Variants in CCDC6 observed in about 807,000 individuals in gnomAD.
CCDC6 encodes the protein coiled-coil domain containing 6, also known as coiled-coil domain-containing protein 6.
Under a neutral mutation model 56.6 loss-of-function variants are expected in CCDC6, and 20 were observed. That is an observed-to-expected ratio of 0.35 (90% CI 0.25 to 0.51). CCDC6 has a LOEUF of 0.51. CCDC6 is among the 20% of genes least tolerant of loss of function. The pLI is 0.95. For missense variants in CCDC6, 367 were observed against 601.1 expected, an observed-to-expected ratio of 0.61 and a Z score of 4.07; for synonymous variants, 241 against 234.4, an observed-to-expected ratio of 1.03 and a Z score of -0.26.
Position 59,906,360 on chromosome 10 carries a change from G to T in CCDC6, c.65C>A (p.Ala22Asp), listed in dbSNP as rs1169861908. Residue 22 changes from alanine (A) to aspartate (D), a missense_variant, in exon 1 of 9, where the codon GCC becomes GAC. By Grantham distance (126) the Ala-to-Asp change is moderately radical (BLOSUM62 -2). Transcript: ENST00000263102. ...GGTCGACGAGCAGGACGACTGCATGGCGGCCGAGCTGCTGCTGTTGCCCCC... is the reference window on the plus strand; with the variant it reads ...GGTCGACGAGCAGGACGACTGCATGTCGGCCGAGCTGCTGCTGTTGCCCCC... ...GAGGNSSSSAAMQSSCSSTSG... is the reference protein window; with the variant it reads ...GAGGNSSSSADMQSSCSSTSG... The T allele has an allele frequency of 6.3e-7, 1 of 1,595,398 alleles. No homozygotes were observed. The highest frequency in any genetic ancestry group is 8.5e-7 in the Non-Finnish European group (1 of 1,178,170).
intron 7 of CCDC6, among the ~76,000 whole-genome samples, chr10:59,804,084 T>C (rs1053706552): frequency 2.0e-5 from 3 of 152,160 alleles, no homozygotes; most frequent in African/African-American, 2.4e-5. Flanking sequence ...ATGATGCATC[T>C]TGGAAATCTA....
intron 3 of CCDC6, among the ~76,000 whole-genome samples, chr10:59,820,939 G>T (rs1306915968): frequency 6.7e-6 from 1 of 150,348 alleles, no homozygotes; most frequent in Non-Finnish European, 1.5e-5. Flanking sequence ...ACTTCCCAAA[G>T]CCTTTCAGCT....
At position 59,789,689 on chromosome 10, in the gene CCDC6, C is replaced by A. The variant is rs997861630; in HGVS notation, c.*3228G>T. The A allele has an allele frequency of 4.0e-5, 9 of 222,858 alleles. No individual in the cohort carries two copies. The highest frequency in any genetic ancestry group is 2.0e-4 in the African/African-American group (9 of 44,746). 13.8% of individuals were successfully genotyped at this position (222,858 alleles called of 1,614,324 possible). ...GTACTAGACAGAAGATCAAGTTACA[C>A]AGAAATATTTCTTCTGTACTGATAA... On this transcript the variant is annotated 3_prime_UTR_variant, in exon 9 of 9. Coordinates refer to ENST00000263102, the MANE Select transcript of CCDC6 (RefSeq NM_005436.5).
chr10:59,829,117 A>G (rs1257014966), intron 3 of CCDC6, among the ~76,000 whole-genome samples: 4 of 152,216 alleles, frequency 2.6e-5, no homozygotes, highest in African/African-American at 9.6e-5. Context: ...TCAGTGAGAT[A>G]AACTTACAGT....
chr10:59,857,774 G>A (rs2071092117), intron 1 of CCDC6, among the ~76,000 whole-genome samples: 1 of 152,044 alleles, frequency 6.6e-6, no homozygotes, highest in South Asian at 2.1e-4. Flanking sequence ...AAGAGTCCAG[G>A]CAGGCTCTAT....
In CCDC6 at chr10:59,862,162, G is replaced by T. The variant is rs75992806; in HGVS notation, c.304-9460C>A. 5.5e-3 allele frequency among the ~76,000 whole-genome samples: 841 copies of T among 152,116 alleles called. 22 individuals are homozygous for T. Among genetic ancestry groups the T allele is most frequent in the East Asian group, 0.033 (168 of 5,152 alleles). On this transcript the variant is annotated intron_variant, in intron 1 of 8. Transcript: ENST00000263102. ...ATACATTGTAACAAACAAGTGACTG[G>T]TATCCTACATAAAGAACAACTTGAT...
chr10:59,906,287 C>G lies in CCDC6; in HGVS notation c.138G>C (p.Ser46=). The part of the protein sequence containing the change: ...GGGGGGGGGK[S]GGIVISPFRL... Reference sequence around the variant, plus strand: ...GGAACGGCGAGATGACAATGCCCCCCGACTTCCCACCGCCGCCGCCTCCCC... The same window carrying G: ...GGAACGGCGAGATGACAATGCCCCCGGACTTCCCACCGCCGCCGCCTCCCC... Residue 46 remains serine, a synonymous_variant, in exon 1 of 9, where the codon TCG becomes TCC. Coordinates refer to ENST00000263102, the MANE Select transcript of CCDC6 (RefSeq NM_005436.5). The G allele has an allele frequency of 6.2e-7, 1 of 1,608,190 alleles. No homozygotes were observed. The highest frequency in any genetic ancestry group is 8.5e-7 in the Non-Finnish European group (1 of 1,179,612).
intron 1 of CCDC6, among the ~76,000 whole-genome samples, chr10:59,864,070 C>G (rs1663921016): frequency 6.6e-6 from 1 of 152,098 alleles, no homozygotes; most frequent in Non-Finnish European, 1.5e-5. Flanking sequence ...ACAGTTAGTT[C>G]CCATGGCCAG....
intron 3 of CCDC6, among the ~76,000 whole-genome samples, chr10:59,828,277 C>T (rs1242464931): frequency 1.3e-5 from 2 of 152,090 alleles, no homozygotes; most frequent in African/African-American, 4.8e-5. Context: ...TTTAGAAAGC[C>T]CCAATATCAT....
chr10:59,847,266 G>T (rs2071000743), intron 2 of CCDC6, among the ~76,000 whole-genome samples: 1 of 138,388 alleles, frequency 7.2e-6, no homozygotes, highest in Non-Finnish European at 1.5e-5. Flanking sequence ...TGTTAGCCAG[G>T]ATGGTCTTGA....
chr10:59,892,466 G>C (rs188635405), intron 1 of CCDC6, among the ~76,000 whole-genome samples: 84 of 152,310 alleles, frequency 5.5e-4, no homozygotes, highest in Admixed American at 3.7e-3. Flanking sequence ...TTAGAAGCCA[G>C]GTTGCGAGGC....
chr10:59,841,618 C>T (rs529275511), intron 2 of CCDC6, among the ~76,000 whole-genome samples: 5 of 152,098 alleles, frequency 3.3e-5, no homozygotes, highest in Middle Eastern at 3.4e-3. Context: ...TAGAAATCCA[C>T]GACAACAATC....
At chr10:59,879,066 C>G (rs1222615977) in intron 1 of CCDC6, among the ~76,000 whole-genome samples, 6 of 152,070 alleles carry the variant, frequency 3.9e-5, no homozygotes, top group Non-Finnish European at 8.8e-5. Flanking sequence ...AAATTTGGGT[C>G]ACTATTATGA....
intron 2 of CCDC6, among the ~76,000 whole-genome samples, chr10:59,843,259 T>A (rs1396380216): frequency 3.9e-5 from 6 of 152,232 alleles, no homozygotes; most frequent in Non-Finnish European, 5.9e-5. Flanking sequence ...GAATTCATTG[T>A]TTATGAAGGC....
chr10:59,817,992 G>C (rs757821212), intron 3 of CCDC6, among the ~76,000 whole-genome samples: 2 of 152,152 alleles, frequency 1.3e-5, no homozygotes, highest in Non-Finnish European at 2.9e-5. Context: ...ACATGACTCA[G>C]GCAGTCATGC....
intron 1 of CCDC6, among the ~76,000 whole-genome samples, chr10:59,898,695 A>G (rs1437543565): frequency 6.6e-6 from 1 of 152,230 alleles, no homozygotes; most frequent in Non-Finnish European, 1.5e-5. Context: ...TTCCTTTTGG[A>G]TATTTGTATC....
chr10:59,867,983 T>A (rs923821289), intron 1 of CCDC6, among the ~76,000 whole-genome samples: 9 of 152,220 alleles, frequency 5.9e-5, no homozygotes, highest in Admixed American at 2.0e-4. Context: ...TATGTTTCCC[T>A]AAAGTGTACC....
chr10:59,850,999 C>T (rs932411299), intron 2 of CCDC6, among the ~76,000 whole-genome samples: 24 of 151,346 alleles, frequency 1.6e-4, no homozygotes, highest in Non-Finnish European at 2.7e-4. Context: ...CATAAGTGAA[C>T]GAGAGGCCAA....
In CCDC6 at chr10:59,792,564, T is replaced by C. The variant is rs1486928159; in HGVS notation, c.*353A>G. On this transcript the variant is annotated 3_prime_UTR_variant, in exon 9 of 9. Coordinates refer to ENST00000263102, the MANE Select transcript of CCDC6 (RefSeq NM_005436.5). ...CATGGAAAAAAATATAAAAAAGATA[T>C]CCCTTTTTCTTTTACAAACCTAAAA... 1.1e-5 allele frequency: 6 copies of C among 566,368 alleles called. No homozygotes were observed. The highest frequency in any genetic ancestry group is 1.7e-5 in the Non-Finnish European group (5 of 301,142). 35.1% of individuals were successfully genotyped at this position (566,368 alleles called of 1,614,324 possible).
Sources: allele counts gnomAD v4.1 joint callset (sites outside exome capture counted in the v4.1 genomes callset), GRCh38; gene constraint gnomAD v4.1.1; transcripts MANE v1.5; gene names NCBI Gene and HGNC (gene_info 2026-07-23, HGNC 2026-07-21).